Variants in PLAGL1 observed in about 807,000 individuals in gnomAD.
PLAGL1 encodes the protein PLAG1 like zinc finger 1, also known as zinc finger protein PLAGL1.
A neutral mutation model predicts 4.6 loss-of-function variants in PLAGL1; 1 was observed. The ratio of observed to expected loss-of-function variants is 0.22; its 90% CI spans 0.08 to 1.03. The LOEUF is 1.03. PLAGL1 is among the 50% of genes least tolerant of loss of function. The probability of loss-of-function intolerance (pLI) is 0.58; values close to 1 mark genes in which losing one functional copy is unlikely to be tolerated. For synonymous variants in PLAGL1, 240 were observed against 237.8 expected, an observed-to-expected ratio of 1.01 and a Z score of -0.08; for missense variants, 464 against 570.4, an observed-to-expected ratio of 0.81 and a Z score of 1.90.
rs553177481 is a variant in PLAGL1, at chr6:143,957,360, G to A, written c.-325+3109C>T. Among the ~76,000 whole-genome samples, 6 of 152,274 alleles carry A rather than the reference G, an allele frequency of 3.9e-5. No individual in the cohort carries two copies. In the South Asian group the frequency reaches 1.2e-3, roughly 32 times the overall value. On this transcript the variant is annotated intron_variant, in intron 6 of 7. Transcript: ENST00000674357. This position sits in a 1 kb window ranked among gnomAD's most constrained non-coding sequence, Gnocchi z 4.2. ...CAGACAAGAGCCTTTGGTATTAGGG[G>A]AAGATTTTCTAATTGTTACAGTCAG...
Position 143,948,015 on chromosome 6 carries a change from T to G in PLAGL1, c.122A>C (p.Lys41Thr). The G allele has an allele frequency of 6.2e-7, 1 of 1,614,130 alleles. No homozygotes were observed. The highest frequency in any genetic ancestry group is 8.5e-7 in the Non-Finnish European group (1 of 1,179,976). Residue 41 changes from lysine (K) to threonine (T), a missense_variant, in exon 7 of 8, where the codon AAA becomes ACA. Transcript: ENST00000674357. This position sits in a 1 kb window ranked among gnomAD's most constrained non-coding sequence, Gnocchi z 6.0. Reference sequence around the variant, plus strand: ...CAATTTATATCTGGAAACAAAGGCTTTGCCACAGTCAGGCTGCACACACTT... The same window carrying G: ...CAATTTATATCTGGAAACAAAGGCTGTGCCACAGTCAGGCTGCACACACTT... Reference protein sequence around the residue: ...PYKCVQPDCGKAFVSRYKLMR... With the variant: ...PYKCVQPDCGTAFVSRYKLMR...
rs1004234283 is a variant in PLAGL1 at position 143,970,571 on chromosome 6, C to T, written c.-543-1593G>A. Among the ~76,000 whole-genome samples the T allele has an allele frequency of 3.3e-5, 5 of 152,038 alleles. No individual in the cohort carries two copies. Among genetic ancestry groups the T allele is most frequent in the South Asian group, 4.2e-4 (2 of 4,798 alleles). On this transcript the variant is annotated intron_variant, in intron 2 of 7. Coordinates refer to ENST00000674357, the MANE Select transcript of PLAGL1 (RefSeq NM_001317162.2). The surrounding 1 kb of genome is among the most constrained non-coding windows in gnomAD (Gnocchi z 5.8). ...GTCTTGTTTTCAACGGCTAGATAAA[C>T]GTTTATTAGGGCTGCTTTATTTGGT... is the stretch of plus-strand genomic sequence containing the variant.
rs1374191599 is a variant in PLAGL1 at position 143,953,031 on chromosome 6, G to T, written c.-324-4571C>A. 6.6e-6 allele frequency among the ~76,000 whole-genome samples: 1 copy of T among 152,190 alleles called. No individual in the cohort carries two copies. Among genetic ancestry groups the T allele is most frequent in the Non-Finnish European group, 1.5e-5 (1 of 68,026 alleles). ...GGCAAGGCCAAGGATCACTCCACTT[G>T]CTGTTTCCTTAAAGTGCTACTTTCT... On this transcript the variant is annotated intron_variant, in intron 6 of 7. Transcript: ENST00000674357. The surrounding 1 kb of genome is among the most constrained non-coding windows in gnomAD (Gnocchi z 5.3).
rs1778917298 is a variant in PLAGL1 at position 143,942,753 on chromosome 6, GT to G, written c.153-91del. 1.1e-6 allele frequency: 1 copy of G among 897,218 alleles called. No individual in the cohort carries two copies. The highest frequency in any genetic ancestry group is 1.7e-6 in the Non-Finnish European group (1 of 602,210). The allele number at this position is 897,218 out of a possible 1,614,324, so 55.6% of individuals were successfully genotyped here. On this transcript the variant is annotated intron_variant, in intron 7 of 7. Coordinates refer to ENST00000674357, the MANE Select transcript of PLAGL1 (RefSeq NM_001317162.2). The surrounding 1 kb of genome is among the most constrained non-coding windows in gnomAD (Gnocchi z 7.6). ...ACAATATTATATCAAAATGTTAATA[GT>G]TTTCTCTGGGTCTTGGTATAATTTT...
Position 143,957,037 on chromosome 6 carries a change from A to G in PLAGL1, c.-325+3432T>C, listed in dbSNP as rs527752555. On this transcript the variant is annotated intron_variant, in intron 6 of 7. Transcript: ENST00000674357. This position sits in a 1 kb window ranked among gnomAD's most constrained non-coding sequence, Gnocchi z 4.2. ...CCTTCTTCCAGATGGGTCATCCAGT[A>G]TAGTACCCACCAGGGGGAACGGAGG... Among the ~76,000 whole-genome samples, 54 of 152,380 alleles carry G rather than the reference A, an allele frequency of 3.5e-4. No individual in the cohort carries two copies. Among genetic ancestry groups the G allele is most frequent in the African/African-American group, 1.2e-3 (50 of 41,594 alleles).
At chr6:144,018,270 G>C (rs886242387) in intron 1 of PLAGL1, among the ~76,000 whole-genome samples, 1 of 152,152 alleles carries the variant, frequency 6.6e-6, no homozygotes, top group African/African-American at 2.4e-5. Context: ...AGTGAAATAA[G>C]TCAGACACAA....
At chr6:143,992,574 A>G (rs1054590281) in intron 1 of PLAGL1, among the ~76,000 whole-genome samples, 1 of 152,246 alleles carries the variant, frequency 6.6e-6, no homozygotes, top group Non-Finnish European at 1.5e-5. Context: ...CAAGGGCCAG[A>G]AAGATAGTGA....
At position 144,055,862 on chromosome 6, in the gene PLAGL1, C is replaced by T. The variant is rs1243166259; in HGVS notation, c.-151+8606G>A. Among the ~76,000 whole-genome samples, 4 of 152,182 alleles carry T rather than the reference C, an allele frequency of 2.6e-5. No homozygotes were observed. Among genetic ancestry groups the T allele is most frequent in the African/African-American group, 9.7e-5 (4 of 41,442 alleles). ...TTTCTTTGGGTACTACATTCACACA[C>T]ACAGAGAGATTCATGTTCCACCTAC... On this transcript the variant is annotated intron_variant, in intron 1 of 3. Transcript: ENST00000437412. The surrounding 1 kb of genome is among the most constrained non-coding windows in gnomAD (Gnocchi z 5.0).
intron 7 of PLAGL1, among the ~76,000 whole-genome samples, chr6:143,943,315 G>T (rs1380588342): frequency 6.6e-6 from 1 of 152,032 alleles, no homozygotes; most frequent in Non-Finnish European, 1.5e-5. Flanking sequence ...GACTCAATTT[G>T]TCTGCTACCC....
At position 143,985,053 on chromosome 6, in the gene PLAGL1, G is replaced by A. The variant is rs934527767; in HGVS notation, c.-544+82C>T. On this transcript the variant is annotated intron_variant, in intron 2 of 7. Coordinates refer to ENST00000674357, the MANE Select transcript of PLAGL1 (RefSeq NM_001317162.2). This position sits in a 1 kb window ranked among gnomAD's most constrained non-coding sequence, Gnocchi z 4.4. ...TTTTGCTCCAATTTTTGCTCTAGGA[G>A]CTCTAAAAAACCATTATCAAGTTAT... 6.6e-6 allele frequency: 1 copy of A among 152,144 alleles called. No individual in the cohort carries two copies. The highest frequency in any genetic ancestry group is 2.4e-5 in the African/African-American group (1 of 41,440). 9.4% of individuals were successfully genotyped at this position (152,144 alleles called of 1,614,324 possible). A position where few individuals can be genotyped will look rare whatever the true frequency, so the allele number is the denominator to read the frequency against.
At chr6:144,060,066 T>C (rs952458035) in intron 1 of PLAGL1, among the ~76,000 whole-genome samples, 1 of 151,520 alleles carries the variant, frequency 6.6e-6, no homozygotes, top group Non-Finnish European at 1.5e-5. Flanking sequence ...TTTTTTTTTT[T>C]AAATAGGGTC....
chr6:143,946,064 CT>C (rs143097906), intron 7 of PLAGL1, among the ~76,000 whole-genome samples: 4,617 of 152,238 alleles, frequency 0.03, 96 homozygotes, highest in South Asian at 0.1. Context: ...GATTCTACCC[CT>C]GTCATACCCA....
At chr6:144,057,323 T>C (rs1562620060) in intron 1 of PLAGL1, among the ~76,000 whole-genome samples, 1 of 152,242 alleles carries the variant, frequency 6.6e-6, no homozygotes, top group Admixed American at 6.5e-5. Flanking sequence ...TTGATAGAAA[T>C]GTAATGCTTT....
chr6:143,989,207 T>C lies in PLAGL1; in HGVS notation c.-583-4033A>G, dbSNP rs563498384. Among the ~76,000 whole-genome samples the C allele has an allele frequency of 1.7e-4, 25 of 151,466 alleles. No individual in the cohort carries two copies. The South Asian group carries it at 5.0e-3, about 30-fold the overall frequency. On this transcript the variant is annotated intron_variant, in intron 1 of 7. Coordinates refer to ENST00000674357, the MANE Select transcript of PLAGL1 (RefSeq NM_001317162.2). The surrounding 1 kb of genome is among the most constrained non-coding windows in gnomAD (Gnocchi z 4.8). The stretch of plus-strand genomic sequence containing the variant: ...TTAAAAACGCACAGAAACAATAGAG[T>C]GGAAAGGCTACTACAGTAGAAATGC...
At chr6:144,044,261 T>C (rs527594090) in intron 1 of PLAGL1, among the ~76,000 whole-genome samples, 2 of 152,370 alleles carry the variant, frequency 1.3e-5, no homozygotes, top group South Asian at 4.1e-4. Context: ...TTCTTTTAAC[T>C]GTGATGTTAG....
chr6:143,986,449 T>C (rs973070622), intron 1 of PLAGL1, among the ~76,000 whole-genome samples: 2 of 152,054 alleles, frequency 1.3e-5, no homozygotes, highest in Non-Finnish European at 1.5e-5. Flanking sequence ...GTCTTAACAT[T>C]CGTTGGGGAT....
chr6:143,959,673 C>T lies in PLAGL1; in HGVS notation c.-325+796G>A, dbSNP rs1256270070. ...GATAGGTAGAAGGGCATCATTGTCC[C>T]CATTTCACAAATGAGGAAACTGAGG... On this transcript the variant is annotated intron_variant, in intron 6 of 7. Transcript: ENST00000674357. The surrounding 1 kb of genome is among the most constrained non-coding windows in gnomAD (Gnocchi z 5.3). Among the ~76,000 whole-genome samples, 1 of 152,156 alleles carries T rather than the reference C, an allele frequency of 6.6e-6. No individual in the cohort carries two copies. Among genetic ancestry groups the T allele is most frequent in the African/African-American group, 2.4e-5 (1 of 41,432 alleles).
intron 1 of PLAGL1, chr6:144,037,406 C>T (rs1797320095): frequency 7.5e-6 from 1 of 133,490 alleles, no homozygotes; most frequent in Admixed American, 8.5e-5. Context: ...GGTGAAGCCC[C>T]ATCTCTACCA....
At chr6:144,023,379 T>C (rs1796110202) in intron 1 of PLAGL1, among the ~76,000 whole-genome samples, 1 of 152,042 alleles carries the variant, frequency 6.6e-6, no homozygotes, top group Admixed American at 6.6e-5. Flanking sequence ...GGGTAAACCT[T>C]ACCATATGCA....
Sources: gnomAD v4.1 joint callset for allele counts (sites outside exome capture counted in the v4.1 genomes callset) on GRCh38, gnomAD v4.1.1 for gene constraint, Gnocchi (gnomAD v3.1) non-coding constraint, MANE v1.5 for transcripts, NCBI Gene and HGNC (gene_info 2026-07-23, HGNC 2026-07-21) for gene names.